Variants in MSL3B observed in about 807,000 individuals in gnomAD.
The protein encoded by MSL3B is MSL complex subunit 3 pseudogene 1.
At chr2:233,866,661 C>G in the MSL3B span, 1 of 789,006 alleles carries the variant, frequency 1.3e-6, no homozygotes, top group Non-Finnish European at 2.3e-6. Flanking sequence ...AGAGACTGCA[C>G]TGCTTGCGGC....
At chr2:233,868,185 G>T in the MSL3B span, 1 of 451,644 alleles carries the variant, frequency 2.2e-6, no homozygotes, top group South Asian at 1.7e-5. Flanking sequence ...AGCTATTCTG[G>T]GATCTTTCTG....
At chr2:233,865,957 C>T in the MSL3B span, 1 of 350,236 alleles carries the variant, frequency 2.9e-6, no homozygotes, top group Non-Finnish European at 5.5e-6. Context: ...TAATTCTAAA[C>T]AGAGTAACTA....
At chr2:233,866,951 T>C in the MSL3B span, 53 of 1,403,548 alleles carry the variant, frequency 3.8e-5, no homozygotes, top group Middle Eastern at 8.8e-4. Context: ...AATATTCTTT[T>C]CTGCTGGGAT....
At chr2:233,868,260 C>T in the MSL3B span, 2 of 362,424 alleles carry the variant, frequency 5.5e-6, no homozygotes, top group Non-Finnish European at 5.7e-6. Context: ...ACGGGAGCGT[C>T]CCACGGGAGC....
chr2:233,867,010 C>A, the MSL3B span: 1 of 1,283,376 alleles, frequency 7.8e-7, no homozygotes, highest in South Asian at 1.2e-5. Context: ...GGTGACGAGG[C>A]CTCTCATTGG....
At chr2:233,866,005 G>A in the MSL3B span, 2 of 380,194 alleles carry the variant, frequency 5.3e-6, no homozygotes, top group South Asian at 2.1e-5. Context: ...GCACACCTCT[G>A]TCAAAGCCCC....
chr2:233,868,329 T>C, the MSL3B span: 4 of 198,838 alleles, frequency 2.0e-5, no homozygotes, highest in South Asian at 2.7e-4. Flanking sequence ...AAACCCACCG[T>C]AGTTAAAAGG....
At chr2:233,866,970 C>T in the MSL3B span, 2 of 1,351,558 alleles carry the variant, frequency 1.5e-6, no homozygotes, top group Non-Finnish European at 1.1e-6. Flanking sequence ...ATATAAGGCA[C>T]GTTCATGCTG....
At chr2:233,867,406 C>G in the MSL3B span, 2 of 519,388 alleles carry the variant, frequency 3.9e-6, no homozygotes, top group East Asian at 7.6e-5. Flanking sequence ...GCTTCTTTCT[C>G]TCTTGCTCCT....
the MSL3B span, chr2:233,866,081 C>A: frequency 1.2e-5 from 6 of 480,550 alleles, no homozygotes; most frequent in Admixed American, 1.6e-4. Flanking sequence ...TTACCTGGAA[C>A]TCAGAACACC....
chr2:233,865,227 T>C, the MSL3B span, among the ~76,000 whole-genome samples: 1 of 152,192 alleles, frequency 6.6e-6, no homozygotes, highest in Non-Finnish European at 1.5e-5. Context: ...GTGCAATAAA[T>C]ATGTGGGTTA....
the MSL3B span, chr2:233,866,475 G>T: frequency 1.6e-6 from 2 of 1,273,412 alleles, no homozygotes; most frequent in Non-Finnish European, 2.3e-6. Flanking sequence ...CTCCCTTCCT[G>T]GCTAGGAGTC....
chr2:233,867,117 G>C, the MSL3B span: 3 of 878,512 alleles, frequency 3.4e-6, no homozygotes, highest in Admixed American at 5.1e-5. Context: ...CGTTTCCTCC[G>C]ATTAATGTAG....
At chr2:233,865,909 C>G in the MSL3B span, 1 of 323,250 alleles carries the variant, frequency 3.1e-6, no homozygotes, top group Admixed American at 4.7e-5. Context: ...TACAAAGTAG[C>G]AAGTGTCATG....
At chr2:233,866,222 G>A in the MSL3B span, 1 of 683,264 alleles carries the variant, frequency 1.5e-6, no homozygotes, top group Admixed American at 1.8e-5. Context: ...GTGGTATTCT[G>A]CTAAAAACCT....
chr2:233,866,382 G>A, the MSL3B span: 1 of 938,996 alleles, frequency 1.1e-6, no homozygotes, highest in Non-Finnish European at 1.8e-6. Context: ...TCACCTGGTG[G>A]GTAATTGTCA....
At chr2:233,866,692 G>A in the MSL3B span, 1 of 790,276 alleles carries the variant, frequency 1.3e-6, no homozygotes, top group Non-Finnish European at 2.3e-6. Flanking sequence ...GCCTTTTAGG[G>A]GTGGCTGGTT....
At chr2:233,865,962 T>C in the MSL3B span, 1 of 356,100 alleles carries the variant, frequency 2.8e-6, no homozygotes, top group African/African-American at 2.1e-5. Flanking sequence ...CTAAACAGAG[T>C]AACTACAGTA....
chr2:233,866,397 C>A, the MSL3B span: 2 of 1,049,624 alleles, frequency 1.9e-6, no homozygotes, highest in Non-Finnish European at 3.0e-6. Flanking sequence ...TTGTCAGGTA[C>A]GAGCTTCCAG....
Sources: allele counts gnomAD v4.1 joint callset (sites outside exome capture counted in the v4.1 genomes callset), GRCh38; gene constraint gnomAD v4.1.1; transcripts MANE v1.5; gene names NCBI Gene and HGNC (gene_info 2026-07-23, HGNC 2026-07-21).